The following DCAF5 variants were observed in gnomAD, a reference collection of about 807,000 sequenced individuals.
DCAF5 encodes DDB1 and CUL4 associated factor 5, also known as DDB1- and CUL4-associated factor 5.
Under a neutral mutation model 80.7 loss-of-function variants are expected in DCAF5, and 9 were observed. That is an observed-to-expected ratio of 0.11 (90% CI 0.07 to 0.19). The LOEUF (loss-of-function observed/expected upper bound fraction) is 0.19, where lower values mean the gene tolerates loss of function less well. Ranked by LOEUF, DCAF5 falls within the 10% of genes least tolerant of loss-of-function variation. The probability of loss-of-function intolerance (pLI) is 1.00; values close to 1 mark genes in which losing one functional copy is unlikely to be tolerated. For synonymous variants in DCAF5, 433 were observed against 461.9 expected, an observed-to-expected ratio of 0.94 and a Z score of 0.80; for missense variants, 842 against 1,205.7, an observed-to-expected ratio of 0.70 and a Z score of 4.47.
Position 69,053,161 on chromosome 14 carries a change from T to C in DCAF5, c.*696A>G, listed in dbSNP as rs369072262. The C allele has an allele frequency of 6.6e-6, 1 of 152,384 alleles. No homozygotes were observed. Among genetic ancestry groups the C allele is most frequent in the South Asian group, 2.1e-4 (1 of 4,830 alleles). 9.4% of individuals were successfully genotyped at this position (152,384 alleles called of 1,614,324 possible). On this transcript the variant is annotated 3_prime_UTR_variant, in exon 9 of 9. Coordinates refer to ENST00000341516, the MANE Select transcript of DCAF5 (RefSeq NM_003861.3). ...AATTTATCAGGAATCTATATTCTCTTGAATCTGATCTTAAGTGCTAAACCT... is the reference window on the plus strand; with the variant it reads ...AATTTATCAGGAATCTATATTCTCTCGAATCTGATCTTAAGTGCTAAACCT...
At chr14:69,087,974 A>G (rs2139955077) in intron 6 of DCAF5, among the ~76,000 whole-genome samples, 1 of 152,344 alleles carries the variant, frequency 6.6e-6, no homozygotes, top group South Asian at 2.1e-4. Context: ...TATACAATAA[A>G]GTATGAATTT....
intron 1 of DCAF5, among the ~76,000 whole-genome samples, chr14:69,128,272 C>T (rs1372075350): frequency 6.6e-6 from 1 of 151,768 alleles, no homozygotes; most frequent in African/African-American, 2.4e-5. Context: ...CTGCAGCCTC[C>T]ACCTCCCAGG....
rs77078467 is a variant in DCAF5, at chr14:69,070,238, A to C, written c.946+5107T>G. 5.2e-3 allele frequency among the ~76,000 whole-genome samples: 787 copies of C among 152,326 alleles called. 17 individuals are homozygous for C. Among genetic ancestry groups the C allele is most frequent in the East Asian group, 0.046 (237 of 5,180 alleles). ...TCTAACAAGAATTCAGGGAAAGAGA[A>C]GGGAAAGGCAATATAAATATTTTCA... On this transcript the variant is annotated intron_variant, in intron 7 of 8. Coordinates refer to ENST00000341516, the MANE Select transcript of DCAF5 (RefSeq NM_003861.3).
At chr14:69,081,053 TA>T (rs746868899) in intron 6 of DCAF5, among the ~76,000 whole-genome samples, 16 of 143,718 alleles carry the variant, frequency 1.1e-4, no homozygotes, top group Non-Finnish European at 1.9e-4. Context: ...AAAAAATAAA[TA>T]ATAAGATTTA....
chr14:69,107,812 A>G (rs747490585), intron 5 of DCAF5, among the ~76,000 whole-genome samples: 2 of 152,262 alleles, frequency 1.3e-5, no homozygotes, highest in Non-Finnish European at 2.9e-5. Flanking sequence ...TCTAAAAGTT[A>G]GCTTTGACTA....
At chr14:69,094,953 G>A (rs1054157840) in intron 5 of DCAF5, among the ~76,000 whole-genome samples, 1 of 152,206 alleles carries the variant, frequency 6.6e-6, no homozygotes, top group East Asian at 1.9e-4. Context: ...TTTGGAATTT[G>A]TGGGGTTGGG....
intron 5 of DCAF5, among the ~76,000 whole-genome samples, chr14:69,095,936 G>A (rs975694964): frequency 6.6e-6 from 1 of 152,086 alleles, no homozygotes; most frequent in African/African-American, 2.4e-5. Context: ...CATCAGAGCT[G>A]GTGTCGTATC....
At chr14:69,086,703 T>C (rs11158785) in intron 6 of DCAF5, among the ~76,000 whole-genome samples, 109,286 of 151,216 alleles carry the variant, frequency 0.72, 39,691 homozygotes, top group East Asian at 0.97. Context: ...TTCCATACCT[T>C]GGCTATACCC....
intron 1 of DCAF5, among the ~76,000 whole-genome samples, chr14:69,145,524 A>T (rs1275416): frequency 0.78 from 118,005 of 151,812 alleles, 46,066 homozygotes; most frequent in East Asian, 0.98. Flanking sequence ...AAAAAAAAAA[A>T]TTTTAATTTC....
At chr14:69,094,732 G>T (rs939484892) in intron 5 of DCAF5, among the ~76,000 whole-genome samples, 30 of 152,182 alleles carry the variant, frequency 2.0e-4, no homozygotes, top group African/African-American at 7.2e-4. Flanking sequence ...ATACAAAGAT[G>T]ATGTCAAAGA....
At chr14:69,114,371 T>C (rs1365697907) in intron 5 of DCAF5, among the ~76,000 whole-genome samples, 2 of 152,254 alleles carry the variant, frequency 1.3e-5, no homozygotes, top group East Asian at 1.9e-4. Flanking sequence ...TGCCATATAG[T>C]CATTAAAAGA....
intron 6 of DCAF5, among the ~76,000 whole-genome samples, chr14:69,086,605 C>G (rs1288287602): frequency 1.4e-5 from 2 of 141,202 alleles, no homozygotes; most frequent in African/African-American, 5.4e-5. Flanking sequence ...CTTAATCAGG[C>G]GTGCATGGAG....
chr14:69,112,623 AC>A (rs2040411829), intron 5 of DCAF5, among the ~76,000 whole-genome samples: 2 of 151,636 alleles, frequency 1.3e-5, no homozygotes, highest in Non-Finnish European at 2.9e-5. Context: ...ACACACACAC[AC>A]ACACAAATAA....
At chr14:69,135,967 A>C (rs2041179566) in intron 1 of DCAF5, among the ~76,000 whole-genome samples, 1 of 152,230 alleles carries the variant, frequency 6.6e-6, no homozygotes, top group Non-Finnish European at 1.5e-5. Context: ...ACAGGCTACG[A>C]GAAATTATTC....
intron 1 of DCAF5, chr14:69,143,831 A>T (rs903432496): frequency 6.6e-6 from 1 of 152,388 alleles, no homozygotes; most frequent in South Asian, 2.1e-4. Context: ...CACCCCTAGA[A>T]TTACGTTTCA....
intron 4 of DCAF5, among the ~76,000 whole-genome samples, chr14:69,117,178 A>G (rs2040567565): frequency 6.6e-6 from 1 of 152,170 alleles, no homozygotes; most frequent in African/African-American, 2.4e-5. Flanking sequence ...TGACCTCCAT[A>G]TGCAGTATTT....
intron 1 of DCAF5, among the ~76,000 whole-genome samples, chr14:69,144,848 G>C (rs1019211845): frequency 3.3e-5 from 5 of 152,138 alleles, no homozygotes; most frequent in African/African-American, 1.2e-4. Flanking sequence ...GTCCTACTTA[G>C]AGTCCCGACA....
At chr14:69,125,700 T>A (rs1482125895) in intron 1 of DCAF5, among the ~76,000 whole-genome samples, 1 of 152,084 alleles carries the variant, frequency 6.6e-6, no homozygotes, top group Admixed American at 6.6e-5. Flanking sequence ...CACTGGAATA[T>A]AAAATAGGTG....
rs981833081 is a variant in DCAF5, at chr14:69,110,927, T to G, written c.665+5439A>C. Among the ~76,000 whole-genome samples, 13 of 147,496 alleles carry G rather than the reference T, an allele frequency of 8.8e-5. 1 individual carries two copies. Among genetic ancestry groups the G allele is most frequent in the African/African-American group, 3.3e-4 (13 of 39,362 alleles). ...AAAAGTGGTGTCTGCTGTGTAAAAG[T>G]TCTTAATTTTAATGAAATCCAATGT... On this transcript the variant is annotated intron_variant, in intron 5 of 8. Transcript: ENST00000341516.
Sources: gnomAD v4.1 joint callset for allele counts (sites outside exome capture counted in the v4.1 genomes callset) on GRCh38, gnomAD v4.1.1 for gene constraint, MANE v1.5 for transcripts, NCBI Gene and HGNC (gene_info 2026-07-23, HGNC 2026-07-21) for gene names.